Variants in RDH16 observed in about 807,000 individuals in gnomAD.
RDH16 encodes human epidermal retinol dehydrogenase.
RDH16 carries 25 observed loss-of-function variants against 22.3 expected under a neutral mutation model. The observed-to-expected ratio is 1.12, with a 90% CI of 0.82 to 1.56. The LOEUF is 1.56. RDH16 is among the 40% of genes most tolerant of loss of function. RDH16 has a pLI of 0.00. For synonymous variants in RDH16, 154 were observed against 164.4 expected, an observed-to-expected ratio of 0.94 and a Z score of 0.48; for missense variants, 413 against 394.9, an observed-to-expected ratio of 1.05 and a Z score of -0.39.
rs1382866005 is a variant in RDH16, at chr12:56,955,053, A to G, written c.425T>C (p.Ile142Thr). 7.4e-6 allele frequency: 12 copies of G among 1,613,956 alleles called. No individual in the cohort carries two copies. Among genetic ancestry groups the G allele is most frequent in the Non-Finnish European group, 1.0e-5 (12 of 1,180,030 alleles). ...GGGCAGCAGGCTCAGAGTCACATCA[A>G]TCACCCCCAACAAGTTCACGTCCAG... The part of the protein sequence containing the change: ...TILDVNLLGV[I>T]DVTLSLLPLV... The change falls in exon 2 of 4, where the codon ATT (isoleucine) becomes ACT (threonine). Residue 142 changes from isoleucine (I) to threonine (T), a missense_variant. Transcript: ENST00000398138.
At position 56,952,257 on chromosome 12, in the gene RDH16, T is replaced by A; in HGVS notation, c.737-11A>T. On this transcript the variant is annotated splice_polypyrimidine_tract_variant and intron_variant, in intron 3 of 3. Coordinates refer to ENST00000398138, the MANE Select transcript of RDH16 (RefSeq NM_003708.5). ...CAGCTGATTTCTTATCTGTTAAGAA[T>A]CAGAAACAATCCATGTATATTTCCA... is the stretch of plus-strand genomic sequence containing the variant. 1 of 1,611,864 alleles carries A rather than the reference T, an allele frequency of 6.2e-7. No individual in the cohort carries two copies. The highest frequency in any genetic ancestry group is 1.7e-4 in the Middle Eastern group (1 of 6,060).
At chr12:56,952,738 C>T (rs1955893093) in intron 3 of RDH16, 89 bp downstream of exon 3, 28 of 1,472,196 alleles carry the variant, frequency 1.9e-5, no homozygotes, top group Non-Finnish European at 2.6e-5. Context: ...GCCTGGGGAT[C>T]AAACTCTAAT....
Position 56,957,203 on chromosome 12 carries a change from G to C in RDH16, c.260C>G (p.Thr87Arg), listed in dbSNP as rs1162684954. 2 of 1,614,008 alleles carry C rather than the reference G, an allele frequency of 1.2e-6. No homozygotes were observed. The highest frequency in any genetic ancestry group is 4.5e-5 in the East Asian group (2 of 44,888). The change falls in exon 1 of 4, where the codon ACA becomes AGA. Residue 87 changes from threonine to arginine, a missense_variant. Physicochemically the swap from Thr to Arg is moderately conservative, Grantham distance 71. Transcript: ENST00000398138. Reference sequence around the variant, plus strand: ...CTGGGCGGCTGCAGCAACGCTCTCTGTCTTGGTAACATCCAGGGTCACCGT... The same window carrying C: ...CTGGGCGGCTGCAGCAACGCTCTCTCTCTTGGTAACATCCAGGGTCACCGT... ...LETVTLDVTK[T>R]ESVAAAAQWV...
At chr12:56,955,477 G>A (rs1483905699) in intron 1 of RDH16, among the ~76,000 whole-genome samples, 2 of 152,164 alleles carry the variant, frequency 1.3e-5, no homozygotes, top group African/African-American at 4.8e-5. Flanking sequence ...CATTAGTCTG[G>A]AAACATGAAG....
Position 56,957,155 on chromosome 12 carries a change from T to C in RDH16, c.308A>G (p.Asp103Gly), listed in dbSNP as rs1163921784. ...TGACAAACCTGGGTGGTTACCTTTG[T>C]CTCTCACGCACTCCTTCACCCACTG... ...AAQWVKECVR[D>G]KGLWGLVNNA... Residue 103 changes from aspartate (D) to glycine (G), a missense_variant, in exon 1 of 4, where the codon GAC becomes GGC. Asp to Gly is a moderately conservative substitution (Grantham distance 94). Coordinates refer to ENST00000398138, the MANE Select transcript of RDH16 (RefSeq NM_003708.5). 3.7e-6 allele frequency: 6 copies of C among 1,606,464 alleles called. No individual in the cohort carries two copies. Among genetic ancestry groups the C allele is most frequent in the Non-Finnish European group, 5.1e-6 (6 of 1,174,206 alleles).
intron 2 of RDH16, among the ~76,000 whole-genome samples, chr12:56,953,745 G>A (rs1204187933): frequency 6.6e-6 from 1 of 152,166 alleles, no homozygotes; most frequent in Non-Finnish European, 1.5e-5. Context: ...GCCAGGTGGA[G>A]TTCTCAATCC....
Position 56,957,132 on chromosome 12 carries a change from A to T in RDH16, c.313+18T>A. ...CAGAGGGAAGACACAGACAGACTTG[A>T]CAAACCTGGGTGGTTACCTTTGTCT... On this transcript the variant is annotated intron_variant, in intron 1 of 3. Transcript: ENST00000398138. 6.3e-7 allele frequency: 1 copy of T among 1,590,530 alleles called. No individual in the cohort carries two copies. The highest frequency in any genetic ancestry group is 1.3e-5 in the African/African-American group (1 of 74,722).
chr12:56,955,093 CCTG>C lies in RDH16; in HGVS notation c.382_384del (p.Gln128del), dbSNP rs746256647. On this transcript the variant is annotated inframe_deletion, in exon 2 of 4. Coordinates refer to ENST00000398138, the MANE Select transcript of RDH16 (RefSeq NM_003708.5). ...TTCACGTCCAGTATGGTCACGAAGT[CCTG>C]CTTGGTGAGCAACTCATTGGGAGCC... The C allele has an allele frequency of 1.9e-6, 3 of 1,614,120 alleles. No homozygotes were observed. Among genetic ancestry groups the C allele is most frequent in the Non-Finnish European group, 2.5e-6 (3 of 1,180,032 alleles).
At chr12:56,956,622 C>T (rs191369255) in intron 1 of RDH16, among the ~76,000 whole-genome samples, 5 of 152,136 alleles carry the variant, frequency 3.3e-5, no homozygotes, top group Admixed American at 2.6e-4. Context: ...GAAAAAGTAA[C>T]CCCTTACTAG....
intron 2 of RDH16, among the ~76,000 whole-genome samples, chr12:56,954,076 C>T (rs1955905612): frequency 6.6e-6 from 1 of 152,180 alleles, no homozygotes; most frequent in South Asian, 2.1e-4. Flanking sequence ...CTTTGGGCCC[C>T]AGAGAGCCAT....
Position 56,951,732 on chromosome 12 carries a change from T to C in RDH16, c.*297A>G. On this transcript the variant is annotated 3_prime_UTR_variant, in exon 4 of 4. Transcript: ENST00000398138. ...ACCTGCTCACACCCACCCCAGTTGT[T>C]AGCCCAAGGATGGCCCTAGAGGCTT... 2.4e-6 allele frequency: 1 copy of C among 419,406 alleles called. No homozygotes were observed. The highest frequency in any genetic ancestry group is 3.0e-5 in the South Asian group (1 of 32,966). 26.0% of individuals were successfully genotyped at this position (419,406 alleles called of 1,614,324 possible).
intron 3 of RDH16, among the ~76,000 whole-genome samples, chr12:56,952,602 T>A (rs572563685): frequency 6.6e-6 from 1 of 152,334 alleles, no homozygotes; most frequent in South Asian, 2.1e-4. Flanking sequence ...TCAGTAACGA[T>A]GGGTTCAGAT....
chr12:56,955,103 G>A lies in RDH16; in HGVS notation c.375C>T (p.Leu125=), dbSNP rs774739212. 83 of 1,614,002 alleles carry A rather than the reference G, an allele frequency of 5.1e-5. No individual in the cohort carries two copies. In the Middle Eastern group the frequency reaches 6.6e-4, roughly 13 times the overall value. The change falls in exon 2 of 4, where the codon CTC becomes CTT. Residue 125 remains leucine (L), a synonymous_variant. Coordinates refer to ENST00000398138, the MANE Select transcript of RDH16 (RefSeq NM_003708.5). ...GTATGGTCACGAAGTCCTGCTTGGT[G>A]AGCAACTCATTGGGAGCCGTGGGCA... ...ISLPTAPNEL[L]TKQDFVTILD...
rs897708218 is a variant in RDH16, at chr12:56,956,861, AACAAC to A, written c.313+284_313+288del. ...TCTCTAACCCAGGCTCTTAGCATCA[AACAAC>A]ACATGACTTCTGCTTAGACAGGAGG... On this transcript the variant is annotated intron_variant, in intron 1 of 3. Transcript: ENST00000398138. Among the ~76,000 whole-genome samples, 60 of 152,274 alleles carry A rather than the reference AACAAC, an allele frequency of 3.9e-4. 1 individual carries two copies. Among genetic ancestry groups the A allele is most frequent in the African/African-American group, 1.3e-3 (56 of 41,540 alleles).
Position 56,952,212 on chromosome 12 carries a change from G to A in RDH16, c.771C>T (p.Cys257=). 6.2e-7 allele frequency: 1 copy of A among 1,614,130 alleles called. No individual in the cohort carries two copies. ...TGGTCACCAACGACAGATCCTGTGT[G>A]CACTTCTGCTCCATTTGTTCAGCTG... The part of the protein sequence containing the change: ...KKSAEQMEQK[C]TQDLSLVTNC... The change falls in exon 4 of 4, where the codon TGC becomes TGT. Residue 257 remains cysteine, a synonymous_variant. Transcript: ENST00000398138.
At chr12:56,953,342 C>T (rs904845799) in intron 2 of RDH16, among the ~76,000 whole-genome samples, 1 of 152,198 alleles carries the variant, frequency 6.6e-6, no homozygotes, top group African/African-American at 2.4e-5. Context: ...CGTTTTCCTG[C>T]CCCAGGAATC....
chr12:56,955,060 CCAA>C lies in RDH16; in HGVS notation c.415_417del (p.Leu139del), dbSNP rs1955915717. The C allele has an allele frequency of 1.2e-6, 2 of 1,614,146 alleles. No individual in the cohort carries two copies. Among genetic ancestry groups the C allele is most frequent in the Non-Finnish European group, 1.7e-6 (2 of 1,180,032 alleles). On this transcript the variant is annotated inframe_deletion, in exon 2 of 4. Transcript: ENST00000398138. Reference sequence around the variant, plus strand: ...AGGCTCAGAGTCACATCAATCACCCCCAACAAGTTCACGTCCAGTATGGTCACG... The same window carrying C: ...AGGCTCAGAGTCACATCAATCACCCCCAAGTTCACGTCCAGTATGGTCACG...
In RDH16 at chr12:56,952,931, G is replaced by A; in HGVS notation, c.632C>T (p.Thr211Ile). The A allele has an allele frequency of 6.2e-7, 1 of 1,614,050 alleles. No homozygotes were observed. The highest frequency in any genetic ancestry group is 8.5e-7 in the Non-Finnish European group (1 of 1,179,990). The change falls in exon 3 of 4, where the codon ACT (threonine) becomes ATT (isoleucine). Residue 211 changes from threonine to isoleucine, a missense_variant. Physicochemically the swap from Thr to Ile is moderately conservative, Grantham distance 89. Transcript: ENST00000398138. ...GAATCTCTCCTTACTGGTCACAGCA[G>A]TCTTGAAATAGCCAGGTTCAATCAT... ...VAMIEPGYFK[T>I]AVTSKERFLK...
intron 1 of RDH16, 75 bp from the exon 2 acceptor site, chr12:56,955,239 C>T (rs1955918223): frequency 7.7e-6 from 12 of 1,555,500 alleles, no homozygotes; most frequent in Non-Finnish European, 9.6e-6. Flanking sequence ...GTGCAAATCA[C>T]ATCCCAATAA....
Sources: gnomAD v4.1 joint callset for allele counts (sites outside exome capture counted in the v4.1 genomes callset) on GRCh38, gnomAD v4.1.1 for gene constraint, MANE v1.5 for transcripts, NCBI Gene and HGNC (gene_info 2026-07-23, HGNC 2026-07-21) for gene names.